The following WDR45B variants were observed in gnomAD, a reference collection of about 807,000 sequenced individuals.
WDR45B encodes WD repeat domain phosphoinositide-interacting protein 3.
WDR45B carries 20 observed loss-of-function variants against 44.6 expected under a neutral mutation model. That is an observed-to-expected ratio of 0.45 (90% CI 0.32 to 0.65). The LOEUF is 0.65. WDR45B is among the 30% of genes least tolerant of loss of function. The pLI is 0.05. For synonymous variants in WDR45B, 169 were observed against 164.9 expected (o/e 1.02, Z -0.19); for missense variants, 323 against 430.2 (o/e 0.75, Z 2.20).
intron 1 of WDR45B, among the ~76,000 whole-genome samples, 195 bp downstream of exon 1, chr17:82,648,079 G>A (rs2046004786): frequency 6.7e-6 from 1 of 149,916 alleles, no homozygotes. Context: ...GTTCGGGCCT[G>A]GTCCGGACCC....
chr17:82,630,848 A>G, intron 3 of WDR45B, 73 bp downstream of exon 3: 1 of 1,409,292 alleles, frequency 7.1e-7, no homozygotes, highest in Non-Finnish European at 1.0e-6. Context: ...ACATGGCCAC[A>G]AACATAAACG....
intron 2 of WDR45B, among the ~76,000 whole-genome samples, chr17:82,642,134 C>T (rs955589935): frequency 1.3e-5 from 2 of 152,096 alleles, no homozygotes; most frequent in African/African-American, 2.4e-5. Flanking sequence ...GTATTCTTGG[C>T]AATTATCCTT....
At chr17:82,641,311 T>A (rs1343037547) in intron 2 of WDR45B, among the ~76,000 whole-genome samples, 2 of 152,180 alleles carry the variant, frequency 1.3e-5, no homozygotes, top group African/African-American at 4.8e-5. Context: ...TGTAAACACT[T>A]CATTAATTAG....
intron 3 of WDR45B, 56 bp downstream of exon 3, chr17:82,630,865 A>G: frequency 6.5e-7 from 1 of 1,532,428 alleles, no homozygotes; most frequent in East Asian, 2.3e-5. Context: ...AACGCATTCA[A>G]AAAAAGACTG....
At chr17:82,630,011 CCT>C in intron 3 of WDR45B, 28 of 969,840 alleles carry the variant, frequency 2.9e-5, no homozygotes, top group Non-Finnish European at 3.4e-5. Flanking sequence ...ACTCAGTCAT[CCT>C]CTGAGACCAC....
intron 1 of WDR45B, among the ~76,000 whole-genome samples, chr17:82,645,973 T>G (rs1356006959): frequency 6.6e-6 from 1 of 151,506 alleles, no homozygotes. Context: ...ATACAAAAAT[T>G]AGCCGGGAGC....
At chr17:82,637,617 C>T (rs770463856) in intron 2 of WDR45B, among the ~76,000 whole-genome samples, 33 of 152,014 alleles carry the variant, frequency 2.2e-4, no homozygotes, top group African/African-American at 4.1e-4. Flanking sequence ...GTTCCCGTGA[C>T]CCCTTCTTTG....
At chr17:82,629,398 G>GCT (rs2045739850) in intron 3 of WDR45B, 1 of 630,430 alleles carries the variant, frequency 1.6e-6, no homozygotes. Context: ...ATCCTGCCCT[G>GCT]CTCTCTCTGT....
At chr17:82,630,873 C>G in intron 3 of WDR45B, 48 bp downstream of exon 3, 1 of 1,545,120 alleles carries the variant, frequency 6.5e-7, no homozygotes, top group African/African-American at 1.4e-5. Flanking sequence ...CAAAAAAAGA[C>G]TGGGTGGGAC....
Position 82,627,251 on chromosome 17 carries a change from T to C in WDR45B, c.285A>G (p.Glu95=). The change falls in exon 4 of 10, where the codon GAA becomes GAG. Residue 95 remains glutamate (E), a synonymous_variant. Coordinates refer to ENST00000392325, the MANE Select transcript of WDR45B (RefSeq NM_019613.4). ...WDDLKKKTVI[E]IEFSTEVKAV... is the part of the protein sequence containing the mutation. ...CCTTGACTTCTGTAGAAAATTCTAT[T>C]TCAATAACAGTCTTCTTCTTCAGGT... 6.2e-7 allele frequency: 1 copy of C among 1,613,804 alleles called. No individual in the cohort carries two copies. Among genetic ancestry groups the C allele is most frequent in the Non-Finnish European group, 8.5e-7 (1 of 1,179,974 alleles).
At chr17:82,626,072 G>A in intron 4 of WDR45B, 1 of 159,274 alleles carries the variant, frequency 6.3e-6, no homozygotes, top group South Asian at 1.7e-4. Flanking sequence ...TAGTAGAGAT[G>A]GGGTTTCACT....
intron 2 of WDR45B, among the ~76,000 whole-genome samples, chr17:82,638,568 T>G (rs1050337610): frequency 6.6e-6 from 1 of 151,884 alleles, no homozygotes; most frequent in Non-Finnish European, 1.5e-5. Flanking sequence ...AATACTGGCA[T>G]AACTTCTATT....
intron 9 of WDR45B, 148 bp downstream of exon 9, chr17:82,616,376 T>G (rs574222423): frequency 1.5e-6 from 2 of 1,299,438 alleles, no homozygotes; most frequent in South Asian, 1.2e-5. Flanking sequence ...CGGGACACAC[T>G]GAGCCCACAG....
rs189013237 is a variant in WDR45B, at chr17:82,640,144, G to A, written c.142+3805C>T. On this transcript the variant is annotated intron_variant, in intron 2 of 9. Coordinates refer to ENST00000392325, the MANE Select transcript of WDR45B (RefSeq NM_019613.4). ...ACCAGCTTCCCGTTCCTGCCAAGTG[G>A]CAGAAGGCGTATCTGGAAACAGCAG... Among the ~76,000 whole-genome samples, 476 of 152,240 alleles carry A rather than the reference G, an allele frequency of 3.1e-3. 5 individuals carry two copies. The highest frequency in any genetic ancestry group is 0.011 in the African/African-American group (456 of 41,526).
chr17:82,638,983 C>T (rs540689147), intron 2 of WDR45B, among the ~76,000 whole-genome samples: 3 of 151,912 alleles, frequency 2.0e-5, no homozygotes, highest in South Asian at 2.1e-4. Flanking sequence ...CCACCATGCC[C>T]GGCTAATTTT....
chr17:82,631,000 G>T lies in WDR45B; in HGVS notation c.165C>A (p.Gly55=), dbSNP rs767980340. The change falls in exon 3 of 10, where the codon GGC becomes GGA. Residue 55 remains glycine, a synonymous_variant. Coordinates refer to ENST00000392325, the MANE Select transcript of WDR45B (RefSeq NM_019613.4). Reference sequence around the variant, plus strand: ...TGCAGCGAAATAACATTTCAACATGGCCAACTCCTCCTTCTAGAAATTCTG... The same window carrying T: ...TGCAGCGAAATAACATTTCAACATGTCCAACTCCTCCTTCTAGAAATTCTG... ...EKQEFLEGGV[G]HVEMLFRCNY... The T allele has an allele frequency of 1.9e-6, 3 of 1,613,794 alleles. No individual in the cohort carries two copies. In the Admixed American group the frequency reaches 5.0e-5, roughly 27 times the overall value.
At chr17:82,645,496 A>G (rs1468498743) in intron 1 of WDR45B, among the ~76,000 whole-genome samples, 1 of 152,176 alleles carries the variant, frequency 6.6e-6, no homozygotes, top group Non-Finnish European at 1.5e-5. Context: ...AGCCACCAAA[A>G]TGACCAAAAA....
intron 1 of WDR45B, among the ~76,000 whole-genome samples, chr17:82,647,686 C>T (rs1314612305): frequency 6.7e-6 from 1 of 148,810 alleles, no homozygotes; most frequent in Admixed American, 6.8e-5. Flanking sequence ...CCGATGGAAA[C>T]CGACGGGAAA....
At chr17:82,618,467 G>A (rs1165579940) in intron 7 of WDR45B, among the ~76,000 whole-genome samples, 1 of 152,196 alleles carries the variant, frequency 6.6e-6, no homozygotes, top group African/African-American at 2.4e-5. Flanking sequence ...TTAAACACAA[G>A]CCAGAGCGCT....
Sources: gnomAD v4.1 joint callset for allele counts (sites outside exome capture counted in the v4.1 genomes callset) on GRCh38, gnomAD v4.1.1 for gene constraint, MANE v1.5 for transcripts, NCBI Gene and HGNC (gene_info 2026-07-23, HGNC 2026-07-21) for gene names.